The following POLN variants were observed in gnomAD, a reference collection of about 807,000 sequenced individuals.
POLN encodes the protein DNA polymerase nu.
A neutral mutation model predicts 113.5 loss-of-function variants in POLN; 108 were observed. That is an observed-to-expected ratio of 0.95 (90% CI 0.81 to 1.12). The LOEUF (loss-of-function observed/expected upper bound fraction) is 1.12, where lower values mean the gene tolerates loss of function less well. Among genes scored for constraint, POLN ranks in the 50% most tolerant of loss-of-function variants. POLN has a pLI of 0.00. For missense variants in POLN, 1,097 were observed against 1,077.1 expected (o/e 1.02, Z -0.26); for synonymous variants, 386 against 391.5 (o/e 0.99, Z 0.17).
intron 19 of POLN, among the ~76,000 whole-genome samples, chr4:2,115,873 G>A (rs544400115): frequency 6.6e-6 from 1 of 152,290 alleles, no homozygotes; most frequent in East Asian, 1.9e-4. Flanking sequence ...GGGGTCCGGA[G>A]TCTAAGAACT....
intron 13 of POLN, among the ~76,000 whole-genome samples, chr4:2,166,127 A>G (rs1284348032): frequency 3.3e-5 from 5 of 152,132 alleles, no homozygotes; most frequent in African/African-American, 1.2e-4. Flanking sequence ...CCCTTACTTA[A>G]ACAATTCCAA....
rs139428211 is a variant in POLN, at chr4:2,210,007, T to TTATA, written c.214-1524_214-1521dup. ...CTTTATATATATATATAAATTTACTTTATATATATATATATATGGCTTTGA... is the reference window on the plus strand; with the variant it reads ...CTTTATATATATATATAAATTTACTTTATATATATATATATATATATGGCTTTGA... On this transcript the variant is annotated intron_variant, in intron 4 of 25. Transcript: ENST00000511885. Among the ~76,000 whole-genome samples the TTATA allele has an allele frequency of 2.7e-3, 391 of 146,158 alleles. 1 individual carries two copies. The highest frequency in any genetic ancestry group is 8.9e-3 in the East Asian group (45 of 5,044).
intron 13 of POLN, among the ~76,000 whole-genome samples, chr4:2,163,267 C>G (rs574838317): frequency 6.1e-4 from 93 of 152,284 alleles, no homozygotes; most frequent in South Asian, 1.2e-3. Context: ...AAAAGCTATC[C>G]CTAGGTGGGT....
chr4:2,135,942 G>A lies in POLN; in HGVS notation c.1732-4652C>T, dbSNP rs151078178. Among the ~76,000 whole-genome samples, 12 of 152,330 alleles carry A rather than the reference G, an allele frequency of 7.9e-5. No individual in the cohort carries two copies. The East Asian group carries it at 1.4e-3, about 17-fold the overall frequency. On this transcript the variant is annotated intron_variant, in intron 16 of 25. Coordinates refer to ENST00000511885, the MANE Select transcript of POLN (RefSeq NM_181808.4). ...GGCTAGACTCCCCATTACTCTCCTC[G>A]GGCGAGGAGCTGGCCACCCAGGCCG...
chr4:2,126,458 G>C lies in POLN; in HGVS notation c.1982+1655C>G, dbSNP rs757791242. ...GAGTCCCCACCCTTTGTGGAGCACA[G>C]TAGGGACGAGGGTGGATGAGGTCTC... On this transcript the variant is annotated intron_variant, in intron 19 of 25. Coordinates refer to ENST00000511885, the MANE Select transcript of POLN (RefSeq NM_181808.4). This position sits in a 1 kb window ranked among gnomAD's most constrained non-coding sequence, Gnocchi z 4.6. Among the ~76,000 whole-genome samples, 9 of 152,228 alleles carry C rather than the reference G, an allele frequency of 5.9e-5. No individual in the cohort carries two copies. The highest frequency in any genetic ancestry group is 1.3e-4 in the Non-Finnish European group (9 of 68,040).
intron 16 of POLN, among the ~76,000 whole-genome samples, chr4:2,152,576 T>C (rs1732323022): frequency 6.6e-6 from 1 of 151,740 alleles, no homozygotes; most frequent in Non-Finnish European, 1.5e-5. Context: ...ATTAGTCAAC[T>C]GTATTTTGTG....
chr4:2,210,234 GA>G, intron 4 of POLN, among the ~76,000 whole-genome samples: 1 of 151,900 alleles, frequency 6.6e-6, no homozygotes, highest in East Asian at 1.9e-4. Flanking sequence ...AGGAGAAAAA[GA>G]AAAATATAAA....
At chr4:2,135,964 G>A (rs1731847686) in intron 16 of POLN, among the ~76,000 whole-genome samples, 1 of 152,226 alleles carries the variant, frequency 6.6e-6, no homozygotes, top group South Asian at 2.1e-4. Context: ...GGCCACCCAG[G>A]CCGAGAGCAA....
chr4:2,238,750 T>A, intron 2 of POLN: 1 of 1,613,838 alleles, frequency 6.2e-7, no homozygotes, highest in Non-Finnish European at 8.5e-7. Flanking sequence ...GTTGACGATA[T>A]ATGTCCCGAT....
intron 16 of POLN, 83 bp from the exon 17 acceptor site, chr4:2,131,373 T>C: frequency 1.1e-6 from 1 of 892,876 alleles, no homozygotes; most frequent in Non-Finnish European, 1.7e-6. Context: ...ACATCACATT[T>C]TATTAAACAT....
intron 13 of POLN, among the ~76,000 whole-genome samples, chr4:2,168,192 G>A (rs1271237426): frequency 2.0e-5 from 3 of 152,196 alleles, no homozygotes; most frequent in Non-Finnish European, 4.4e-5. Context: ...AGTTGGGGGA[G>A]CTGAGCAGCA....
intron 18 of POLN, 81 bp downstream of exon 18, chr4:2,129,098 T>C: frequency 4.5e-6 from 4 of 887,700 alleles, no homozygotes; most frequent in Non-Finnish European, 5.2e-6. Flanking sequence ...AAAGAATGAA[T>C]TCCATAAGTA....
At chr4:2,179,681 T>C (rs1680557076) in intron 7 of POLN, among the ~76,000 whole-genome samples, 1 of 152,132 alleles carries the variant, frequency 6.6e-6, no homozygotes, top group Admixed American at 6.5e-5. Context: ...CCCGTCTCTG[T>C]GGGTGTCACA....
At chr4:2,091,023 A>G (rs1184529520) in intron 20 of POLN, among the ~76,000 whole-genome samples, 1 of 152,156 alleles carries the variant, frequency 6.6e-6, no homozygotes, top group Non-Finnish European at 1.5e-5. Context: ...CACAGCATCA[A>G]CTGAGGTTTG....
At chr4:2,098,416 C>T (rs1730847951) in intron 19 of POLN, among the ~76,000 whole-genome samples, 1 of 152,104 alleles carries the variant, frequency 6.6e-6, no homozygotes, top group Non-Finnish European at 1.5e-5. Context: ...AAGACCCTGT[C>T]TAAGTGAATA....
intron 3 of POLN, among the ~76,000 whole-genome samples, chr4:2,213,541 G>A (rs986571401): frequency 6.6e-6 from 1 of 152,150 alleles, no homozygotes; most frequent in Admixed American, 6.5e-5. Context: ...TTTAGATTTT[G>A]ATTTAATTTC....
chr4:2,185,641 G>A (rs1162509213), intron 7 of POLN, among the ~76,000 whole-genome samples: 1 of 152,178 alleles, frequency 6.6e-6, no homozygotes, highest in Non-Finnish European at 1.5e-5. Flanking sequence ...AGCTACTCAA[G>A]AGGCTGAGTC....
chr4:2,230,809 C>G (rs951369650), intron 2 of POLN: 1 of 152,062 alleles, frequency 6.6e-6, no homozygotes, highest in East Asian at 1.9e-4. Context: ...AAATTGGGCA[C>G]TCAAGAAGCA....
chr4:2,122,648 GC>G (rs1221495747), intron 19 of POLN, among the ~76,000 whole-genome samples: 2 of 152,198 alleles, frequency 1.3e-5, no homozygotes, highest in Non-Finnish European at 2.9e-5. Flanking sequence ...GTAAAATGGT[GC>G]AGCATTTTTG....
Sources: gnomAD v4.1 joint callset for allele counts (sites outside exome capture counted in the v4.1 genomes callset) on GRCh38, gnomAD v4.1.1 for gene constraint, Gnocchi (gnomAD v3.1) non-coding constraint, MANE v1.5 for transcripts, NCBI Gene and HGNC (gene_info 2026-07-23, HGNC 2026-07-21) for gene names.